Variants in FANCB observed in about 807,000 individuals in gnomAD.
FANCB encodes FA complementation group B, also known as Fanconi anemia group B protein.
FANCB carries 5 observed loss-of-function variants against 38.9 expected under a neutral mutation model. The observed-to-expected ratio is 0.13, with a 90% CI of 0.07 to 0.27. The LOEUF is 0.27. Ranked by LOEUF, FANCB falls within the 10% of genes least tolerant of loss-of-function variation. The pLI is 1.00. For missense variants in FANCB, 573 were observed against 602.7 expected, an observed-to-expected ratio of 0.95 and a Z score of 0.52; for synonymous variants, 236 against 215.4, an observed-to-expected ratio of 1.10 and a Z score of -0.84.
chrX:14,787,876 A>AAT, the FANCB span, among the ~76,000 whole-genome samples: 761 of 41,477 alleles, frequency 0.018, 26 homozygotes, highest in African/African-American at 0.025. Context: ...TTAAAAATAG[A>AAT]ATATATATAT....
chrX:14,698,296 T>C, the FANCB span, among the ~76,000 whole-genome samples: 1 of 111,777 alleles, frequency 8.9e-6, no homozygotes, highest in South Asian at 3.7e-4. Flanking sequence ...TTCCCCTAGT[T>C]TGGGGCCCAC....
At chrX:14,771,653 C>T in the FANCB span, among the ~76,000 whole-genome samples, 2 of 111,871 alleles carry the variant, frequency 1.8e-5, no homozygotes, top group Non-Finnish European at 1.9e-5. Context: ...GCCATTTCAG[C>T]CTCACCCCAG....
the FANCB span, among the ~76,000 whole-genome samples, chrX:14,691,302 TGTGTGTGTGTGTGTGTGTGTGTGC>T: frequency 2.9e-5 from 3 of 105,055 alleles, no homozygotes; most frequent in African/African-American, 7.3e-5. Context: ...TGTGTGTGTG[TGTGTGTGTGTGTGTGTGTGTGTGC>T]GCGCGTGCGT....
the FANCB span, among the ~76,000 whole-genome samples, chrX:14,767,812 T>C: frequency 9.8e-5 from 11 of 112,641 alleles, no homozygotes; most frequent in African/African-American, 3.2e-4. Context: ...AATTTTATAG[T>C]TTTGGATTTT....
At chrX:14,859,149 T>TA in intron 4 of FANCB, 33 bp downstream of exon 4, 1 of 1,033,723 alleles carries the variant, frequency 9.7e-7, no homozygotes, top group Non-Finnish European at 1.3e-6. Context: ...AAATGGTTCT[T>TA]AAAATACCAT....
chrX:14,797,479 C>T, the FANCB span, among the ~76,000 whole-genome samples: 3 of 110,738 alleles, frequency 2.7e-5, no homozygotes, highest in Non-Finnish European at 3.8e-5. Flanking sequence ...GTCAGGAGTT[C>T]GAGACCAGCC....
the FANCB span, among the ~76,000 whole-genome samples, chrX:14,754,851 G>A: frequency 9.0e-6 from 1 of 110,574 alleles, no homozygotes; most frequent in Admixed American, 9.6e-5. Context: ...TCTGAAACCA[G>A]CATTACCCTG....
chrX:14,827,816 G>A, the FANCB span, among the ~76,000 whole-genome samples: 1 of 111,476 alleles, frequency 9.0e-6, no homozygotes, highest in African/African-American at 3.3e-5. Context: ...AACTAATGAT[G>A]AGCACCAAAA....
the FANCB span, among the ~76,000 whole-genome samples, chrX:14,760,400 GT>G: frequency 8.9e-6 from 1 of 111,800 alleles, no homozygotes; most frequent in Non-Finnish European, 1.9e-5. Context: ...GGCTTGGAGG[GT>G]AGTGGGGAAA....
chrX:14,850,748 T>A, intron 6 of FANCB, 74 bp from the exon 7 acceptor site: 4 of 611,255 alleles, frequency 6.5e-6, no homozygotes, highest in Non-Finnish European at 7.7e-6. Flanking sequence ...AAAAAAAAGT[T>A]AAGTGTGCTT....
chrX:14,789,311 T>C, the FANCB span, among the ~76,000 whole-genome samples: 1 of 111,322 alleles, frequency 9.0e-6, no homozygotes, highest in Non-Finnish European at 1.9e-5. Flanking sequence ...AAAGAATAAA[T>C]TGGACAAAGA....
chrX:14,805,116 T>C, the FANCB span, among the ~76,000 whole-genome samples: 1 of 111,566 alleles, frequency 9.0e-6, no homozygotes, highest in Non-Finnish European at 1.9e-5. Flanking sequence ...ATTGTATTTA[T>C]CATCTCCTCC....
chrX:14,805,815 T>C, the FANCB span, among the ~76,000 whole-genome samples: 1 of 111,945 alleles, frequency 8.9e-6, no homozygotes, highest in South Asian at 3.7e-4. Context: ...ATCCATTACA[T>C]GGCCCGTTCT....
chrX:14,871,458 A>G (rs959887173), intron 1 of FANCB, among the ~76,000 whole-genome samples: 1 of 111,868 alleles, frequency 8.9e-6, no homozygotes, highest in African/African-American at 3.3e-5. Context: ...AAACCCAGAG[A>G]CATAATCCCA....
intron 5 of FANCB, among the ~76,000 whole-genome samples, chrX:14,853,520 C>T (rs1276609095): frequency 8.9e-6 from 1 of 111,777 alleles, no homozygotes; most frequent in Non-Finnish European, 1.9e-5. Flanking sequence ...CACAAAATAA[C>T]TTTTTCTTTT....
chrX:14,736,215 G>A, the FANCB span, among the ~76,000 whole-genome samples: 5 of 110,646 alleles, frequency 4.5e-5, no homozygotes, highest in East Asian at 1.1e-3. Context: ...TGGCTCCCTG[G>A]CTTCAGCCCC....
the FANCB span, among the ~76,000 whole-genome samples, chrX:14,727,317 C>T: frequency 4.5e-5 from 5 of 111,991 alleles, no homozygotes; most frequent in Admixed American, 1.9e-4. Flanking sequence ...GCATGAGGTC[C>T]CTGAGGCTTT....
chrX:14,850,520 G>A lies in FANCB; in HGVS notation c.1481C>T (p.Thr494Ile). 8.3e-7 allele frequency: 1 copy of A among 1,202,625 alleles called. No homozygotes were observed. Among genetic ancestry groups the A allele is most frequent in the Non-Finnish European group, 1.1e-6 (1 of 887,493 alleles). Reference protein sequence around the residue: ...DDSLVVGVKTTSSLKLSLNDV... With the variant: ...DDSLVVGVKTISSLKLSLNDV... Reference sequence around the variant, plus strand: ...ATTTACTTACAGCTTCAAAGAAGATGTAGTTTTCACTCCAACAACCAAGCT... The same window carrying A: ...ATTTACTTACAGCTTCAAAGAAGATATAGTTTTCACTCCAACAACCAAGCT... The change falls in exon 7 of 10, where the codon ACA becomes ATA. Residue 494 changes from threonine (T) to isoleucine (I), a missense_variant. Transcript: ENST00000650831.
At chrX:14,826,362 A>C in the FANCB span, among the ~76,000 whole-genome samples, 5 of 111,920 alleles carry the variant, frequency 4.5e-5, no homozygotes, top group African/African-American at 1.6e-4. Context: ...ACCGTTATTA[A>C]GTTACTTTGG....
Sources: gnomAD v4.1 joint callset for allele counts (sites outside exome capture counted in the v4.1 genomes callset) on GRCh38, gnomAD v4.1.1 for gene constraint, MANE v1.5 for transcripts, NCBI Gene and HGNC (gene_info 2026-07-23, HGNC 2026-07-21) for gene names.